The following UNC5D variants were observed in gnomAD, a reference collection of about 807,000 sequenced individuals.
UNC5D encodes unc-5 netrin receptor D, also known as netrin receptor UNC5D.
A neutral mutation model predicts 105.4 loss-of-function variants in UNC5D; 39 were observed. That is an observed-to-expected ratio of 0.37 (90% CI 0.29 to 0.48). The LOEUF is 0.48. Among genes scored for constraint, UNC5D ranks in the 20% least tolerant of loss-of-function variants. The pLI is 0.98. For missense variants in UNC5D, 991 were observed against 1,202.4 expected (o/e 0.82, Z 2.60); for synonymous variants, 452 against 450.4 (o/e 1.00, Z -0.04).
At chr8:35,458,274 AC>A (rs1165903627) in intron 1 of UNC5D, among the ~76,000 whole-genome samples, 1 of 152,070 alleles carries the variant, frequency 6.6e-6, no homozygotes, top group African/African-American at 2.4e-5. Context: ...ACCTTTCCCT[AC>A]CTTGTAATGA....
chr8:35,288,296 G>A (rs1362067156), intron 1 of UNC5D, among the ~76,000 whole-genome samples: 1 of 152,056 alleles, frequency 6.6e-6, no homozygotes, highest in African/African-American at 2.4e-5. Flanking sequence ...GAGTGGGATG[G>A]TATACTCAGA....
At chr8:35,246,351 G>A (rs1356519012) in intron 1 of UNC5D, among the ~76,000 whole-genome samples, 2 of 152,138 alleles carry the variant, frequency 1.3e-5, no homozygotes, top group Non-Finnish European at 2.9e-5. Flanking sequence ...TCATAATGAC[G>A]TTGGTAATCC....
chr8:35,586,892 A>G (rs1359411151), intron 3 of UNC5D, among the ~76,000 whole-genome samples: 2 of 152,190 alleles, frequency 1.3e-5, no homozygotes, highest in South Asian at 4.1e-4. Context: ...AAGAACTATT[A>G]TTTGGAATTG....
At chr8:35,630,617 A>T (rs1258218823) in intron 4 of UNC5D, among the ~76,000 whole-genome samples, 2 of 151,972 alleles carry the variant, frequency 1.3e-5, no homozygotes, top group African/African-American at 4.8e-5. Flanking sequence ...GTCTTGGGTA[A>T]ATTTCCATGA....
In UNC5D at chr8:35,438,458, T is replaced by C. The variant is rs577271606; in HGVS notation, c.104-110834T>C. On this transcript the variant is annotated intron_variant, in intron 1 of 16. Transcript: ENST00000404895. ...TGGTTTGGAGAGTTTAATGGGGCAC[T>C]ATTAGTAATCATGCTGGGACAACCA... 2.6e-5 allele frequency among the ~76,000 whole-genome samples: 4 copies of C among 152,178 alleles called. No homozygotes were observed. In the South Asian group the frequency reaches 8.3e-4, roughly 32 times the overall value.
intron 1 of UNC5D, among the ~76,000 whole-genome samples, chr8:35,364,364 G>A (rs1384587304): frequency 2.0e-5 from 3 of 152,162 alleles, no homozygotes; most frequent in African/African-American, 7.2e-5. Flanking sequence ...ATATTTGCCT[G>A]CTATGAGGCC....
intron 1 of UNC5D, among the ~76,000 whole-genome samples, chr8:35,462,479 C>A (rs973220392): frequency 6.6e-6 from 1 of 152,028 alleles, no homozygotes; most frequent in Non-Finnish European, 1.5e-5. Context: ...GGTTATTATG[C>A]ATCATTTTAA....
At chr8:35,244,883 G>T (rs1242000359) in intron 1 of UNC5D, among the ~76,000 whole-genome samples, 1 of 151,884 alleles carries the variant, frequency 6.6e-6, no homozygotes, top group African/African-American at 2.4e-5. Flanking sequence ...GGACGTGGTT[G>T]TTCGTGCCTG....
chr8:35,755,231 C>T (rs1830460759), intron 13 of UNC5D, among the ~76,000 whole-genome samples: 1 of 152,000 alleles, frequency 6.6e-6, no homozygotes, highest in East Asian at 1.9e-4. Flanking sequence ...AAGCTGTTAC[C>T]CTATCTATCT....
chr8:35,612,426 T>A (rs755098590), intron 4 of UNC5D, among the ~76,000 whole-genome samples: 1 of 152,056 alleles, frequency 6.6e-6, no homozygotes, highest in Non-Finnish European at 1.5e-5. Context: ...GGGTGGGTAA[T>A]TGGGGAAAGG....
chr8:35,534,094 G>T (rs116782184), intron 1 of UNC5D, among the ~76,000 whole-genome samples: 7,675 of 152,190 alleles, frequency 0.05, 574 homozygotes, highest in African/African-American at 0.16. Context: ...TGTTTTTATA[G>T]TTGATATCAT....
intron 7 of UNC5D, among the ~76,000 whole-genome samples, chr8:35,693,224 C>A (rs1300577714): frequency 5.3e-5 from 8 of 152,018 alleles, no homozygotes; most frequent in African/African-American, 1.4e-4. Context: ...CTAAAACTGT[C>A]ATTTTTGTGC....
intron 4 of UNC5D, among the ~76,000 whole-genome samples, chr8:35,599,004 G>A (rs2130915341): frequency 6.6e-6 from 1 of 152,048 alleles, no homozygotes; most frequent in East Asian, 1.9e-4. Context: ...TTAGCCGGGT[G>A]TGGTGGCGCA....
intron 15 of UNC5D, among the ~76,000 whole-genome samples, chr8:35,767,823 C>A (rs186327718): frequency 9.2e-5 from 14 of 152,172 alleles, no homozygotes; most frequent in Non-Finnish European, 2.1e-4. Context: ...TGTCCTAAAC[C>A]ACCAAGTGAC....
chr8:35,571,003 T>C (rs949149228), intron 3 of UNC5D, among the ~76,000 whole-genome samples: 2 of 151,628 alleles, frequency 1.3e-5, no homozygotes, highest in Non-Finnish European at 2.9e-5. Flanking sequence ...AAAATATATA[T>C]GGACTTAAAA....
chr8:35,377,868 C>T (rs1428247933), intron 1 of UNC5D, among the ~76,000 whole-genome samples: 1 of 152,166 alleles, frequency 6.6e-6, no homozygotes, highest in African/African-American at 2.4e-5. Context: ...GATAAGTCAT[C>T]AGTCTGTGTT....
At chr8:35,718,863 G>C (rs1563701110) in intron 8 of UNC5D, among the ~76,000 whole-genome samples, 1 of 152,048 alleles carries the variant, frequency 6.6e-6, no homozygotes. Flanking sequence ...CACTACATAC[G>C]GCCTTTTGTT....
At chr8:35,733,455 G>A (rs1338008671) in intron 11 of UNC5D, among the ~76,000 whole-genome samples, 1 of 152,116 alleles carries the variant, frequency 6.6e-6, no homozygotes, top group African/African-American at 2.4e-5. Flanking sequence ...AACTTGTGCT[G>A]AGAAGAAGGC....
At chr8:35,757,364 C>A (rs1830561959) in intron 13 of UNC5D, among the ~76,000 whole-genome samples, 1 of 152,084 alleles carries the variant, frequency 6.6e-6, no homozygotes, top group Non-Finnish European at 1.5e-5. Context: ...GCCTTCCATC[C>A]CAGCTCCGTC....
Sources: allele counts gnomAD v4.1 joint callset (sites outside exome capture counted in the v4.1 genomes callset), GRCh38; gene constraint gnomAD v4.1.1; transcripts MANE v1.5; gene names NCBI Gene and HGNC (gene_info 2026-07-23, HGNC 2026-07-21).